PLEKHA2: variants seen among roughly 807,000 people sequenced by gnomAD.
The protein encoded by PLEKHA2 is pleckstrin homology domain containing A2, also known as pleckstrin homology domain-containing family A member 2.
Under a neutral mutation model 53.2 loss-of-function variants are expected in PLEKHA2, and 28 were observed. The ratio of observed to expected loss-of-function variants is 0.53; its 90% CI spans 0.39 to 0.72. The LOEUF is 0.72. PLEKHA2 is among the 30% of genes least tolerant of loss of function. The probability of loss-of-function intolerance (pLI) is 0.00; values close to 1 mark genes in which losing one functional copy is unlikely to be tolerated. For missense variants in PLEKHA2, 426 were observed against 537.9 expected (o/e 0.79, Z 2.06); for synonymous variants, 193 against 196.4 (o/e 0.98, Z 0.14).
At chr8:38,928,540 C>T (rs370519876) in intron 2 of PLEKHA2, among the ~76,000 whole-genome samples, 4 of 152,052 alleles carry the variant, frequency 2.6e-5, no homozygotes, top group Non-Finnish European at 4.4e-5. Context: ...TGAATCACCG[C>T]GCCCGGCCCG....
At chr8:38,904,321 G>A (rs1452785461) in intron 1 of PLEKHA2, among the ~76,000 whole-genome samples, 1 of 152,258 alleles carries the variant, frequency 6.6e-6, no homozygotes, top group Admixed American at 6.5e-5. Flanking sequence ...ATATTGCCCA[G>A]TGTGGGCAAA....
chr8:38,939,595 A>G (rs544030560), intron 3 of PLEKHA2, among the ~76,000 whole-genome samples: 1 of 152,336 alleles, frequency 6.6e-6, no homozygotes, highest in African/African-American at 2.4e-5. Context: ...TAATAAGCAC[A>G]TGGGTAGCAT....
intron 10 of PLEKHA2, among the ~76,000 whole-genome samples, chr8:38,964,874 TTTTTTTTTG>T (rs1835106745): frequency 7.3e-6 from 1 of 136,604 alleles, no homozygotes. Context: ...TTTTTTTTTT[TTTTTTTTTG>T]CAAAGGTTAG....
intron 5 of PLEKHA2, among the ~76,000 whole-genome samples, chr8:38,949,871 A>G (rs1250382342): frequency 1.3e-5 from 2 of 152,132 alleles, no homozygotes; most frequent in Admixed American, 6.5e-5. Flanking sequence ...ATGGTTGCCA[A>G]AGGTCTCTCA....
intron 2 of PLEKHA2, among the ~76,000 whole-genome samples, chr8:38,934,198 C>T (rs1158214760): frequency 6.6e-6 from 1 of 152,016 alleles, no homozygotes; most frequent in Non-Finnish European, 1.5e-5. Context: ...CGGCGTTTCA[C>T]TATGTTGGCC....
Position 38,972,344 on chromosome 8 carries a change from G to C in PLEKHA2, c.*2561G>C, listed in dbSNP as rs759775715. 1.3e-5 allele frequency: 2 copies of C among 151,986 alleles called. No homozygotes were observed. The highest frequency in any genetic ancestry group is 2.9e-5 in the Non-Finnish European group (2 of 68,008). The allele number at this position is 151,986 out of a possible 1,614,324, so 9.4% of individuals were successfully genotyped here. A position where few individuals can be genotyped will look rare whatever the true frequency, so the allele number is the denominator to read the frequency against. ...TAGGACTACAGGGTTGTGCTACCAC[G>C]CCTGGCTAATTTTTAATTTTTTTTT... On this transcript the variant is annotated 3_prime_UTR_variant, in exon 12 of 12. Coordinates refer to ENST00000617275, the MANE Select transcript of PLEKHA2 (RefSeq NM_021623.2).
At chr8:38,947,353 G>A (rs1295695606) in intron 5 of PLEKHA2, among the ~76,000 whole-genome samples, 1 of 152,194 alleles carries the variant, frequency 6.6e-6, no homozygotes, top group African/African-American at 2.4e-5. Flanking sequence ...AGGAGGCTGA[G>A]GCAGGAGAAT....
chr8:38,958,924 G>A (rs977105313), intron 10 of PLEKHA2, among the ~76,000 whole-genome samples: 2 of 152,144 alleles, frequency 1.3e-5, no homozygotes, highest in South Asian at 4.1e-4. Context: ...GGGGGAGATG[G>A]AGCACAGGGG....
At chr8:38,937,110 C>T (rs867533865) in intron 3 of PLEKHA2, among the ~76,000 whole-genome samples, 4 of 152,220 alleles carry the variant, frequency 2.6e-5, no homozygotes, top group African/African-American at 4.8e-5. Context: ...AGGGGCAGCC[C>T]GCCCCTGTGC....
At chr8:38,935,652 C>T (rs1834480630) in intron 2 of PLEKHA2, among the ~76,000 whole-genome samples, 1 of 152,134 alleles carries the variant, frequency 6.6e-6, no homozygotes, top group Non-Finnish European at 1.5e-5. Flanking sequence ...CTCCTGGCCT[C>T]AAGTGATCTT....
rs1354174161 is a variant in PLEKHA2 at position 38,950,865 on chromosome 8, G to T, written c.361G>T (p.Gly121Cys). ...ASKITVPKGG[G>C]LPMTTEVLKS... The stretch of plus-strand genomic sequence containing the variant: ...CTCACCCCAGGTTCCCAAAGGTGGG[G>T]GCCTACCCATGACCACTGAAGTTCT... Residue 121 changes from glycine (G) to cysteine (C), a missense_variant, in exon 6 of 12, where the codon GGC becomes TGC. By Grantham distance (159) the Gly-to-Cys change is radical. Transcript: ENST00000617275. The T allele has an allele frequency of 6.2e-7, 1 of 1,613,770 alleles. No individual in the cohort carries two copies. Among genetic ancestry groups the T allele is most frequent in the African/African-American group, 1.3e-5 (1 of 75,052 alleles).
intron 1 of PLEKHA2, among the ~76,000 whole-genome samples, chr8:38,902,928 T>TGCCTGAGGGC (rs1833814453): frequency 6.6e-6 from 1 of 152,230 alleles, no homozygotes; most frequent in South Asian, 2.1e-4. Context: ...ATCTCAGACA[T>TGCCTGAGGGC]TAGCCCTCTT....
chr8:38,932,555 T>C (rs2129418400), intron 2 of PLEKHA2, among the ~76,000 whole-genome samples: 1 of 152,284 alleles, frequency 6.6e-6, no homozygotes, highest in South Asian at 2.1e-4. Context: ...TTTCTTGGCC[T>C]TCCTGCCCTG....
At chr8:38,921,011 G>A (rs1336324126) in intron 2 of PLEKHA2, among the ~76,000 whole-genome samples, 1 of 152,096 alleles carries the variant, frequency 6.6e-6, no homozygotes, top group Non-Finnish European at 1.5e-5. Flanking sequence ...ATATTGGTCA[G>A]GCTGGTCTTG....
intron 1 of PLEKHA2, among the ~76,000 whole-genome samples, chr8:38,910,656 T>A (rs1015175492): frequency 5.3e-5 from 8 of 152,166 alleles, no homozygotes; most frequent in Admixed American, 4.6e-4. Flanking sequence ...TTATGAAAGA[T>A]CATAGCCTGT....
intron 10 of PLEKHA2, among the ~76,000 whole-genome samples, chr8:38,957,603 C>T (rs1218542684): frequency 6.6e-6 from 1 of 152,166 alleles, no homozygotes; most frequent in Non-Finnish European, 1.5e-5. Flanking sequence ...TTGAGCCGCT[C>T]TACTGAGGAA....
At chr8:38,948,424 C>T (rs1202435967) in intron 5 of PLEKHA2, among the ~76,000 whole-genome samples, 1 of 152,168 alleles carries the variant, frequency 6.6e-6, no homozygotes, top group Non-Finnish European at 1.5e-5. Flanking sequence ...AAGAGCTTAT[C>T]AGTGCATTGC....
intron 3 of PLEKHA2, among the ~76,000 whole-genome samples, chr8:38,941,055 CT>C (rs33938196): frequency 0.77 from 107,188 of 140,040 alleles, 41,171 homozygotes; most frequent in African/African-American, 0.8. Context: ...TCTAAGGTAT[CT>C]TTTTTTTTTT....
At chr8:38,946,088 A>G (rs2129421163) in intron 4 of PLEKHA2, 36 bp from the exon 5 acceptor site, 8 of 1,517,058 alleles carry the variant, frequency 5.3e-6, no homozygotes, top group Non-Finnish European at 7.2e-6. Context: ...ATTCTGACCT[A>G]GGAATGTCTT....
Sources: gnomAD v4.1 joint callset for allele counts (sites outside exome capture counted in the v4.1 genomes callset) on GRCh38, gnomAD v4.1.1 for gene constraint, MANE v1.5 for transcripts, NCBI Gene and HGNC (gene_info 2026-07-23, HGNC 2026-07-21) for gene names.